WASF2: variants seen among roughly 807,000 people sequenced by gnomAD.
The protein encoded by WASF2 is actin-binding protein WASF2.
Under a neutral mutation model 45.0 loss-of-function variants are expected in WASF2, and 14 were observed. The observed-to-expected ratio is 0.31, with a 90% CI of 0.21 to 0.49. The LOEUF is 0.49. WASF2 is among the 20% of genes least tolerant of loss of function. The pLI, the probability that WASF2 is intolerant of heterozygous loss-of-function variation, is 0.99. For missense variants in WASF2, 439 were observed against 636.1 expected, an observed-to-expected ratio of 0.69 and a Z score of 3.33; for synonymous variants, 200 against 236.3, an observed-to-expected ratio of 0.85 and a Z score of 1.41.
chr1:27,414,235 T>C lies in WASF2; in HGVS notation c.668+598A>G, dbSNP rs1335377271. ...TCTTTTTCCCCCTTTAAACCTCCAGTGTGATTTGGTATTGGGAAATGGGGT... is the reference window on the plus strand; with the variant it reads ...TCTTTTTCCCCCTTTAAACCTCCAGCGTGATTTGGTATTGGGAAATGGGGT... On this transcript the variant is annotated intron_variant, in intron 6 of 8. Coordinates refer to ENST00000618852, the MANE Select transcript of WASF2 (RefSeq NM_006990.5). This position sits in a 1 kb window ranked among gnomAD's most constrained non-coding sequence, Gnocchi z 4.1. Among the ~76,000 whole-genome samples the C allele has an allele frequency of 6.6e-6, 1 of 152,118 alleles. No individual in the cohort carries two copies. Among genetic ancestry groups the C allele is most frequent in the Non-Finnish European group, 1.5e-5 (1 of 68,028 alleles).
At chr1:27,441,317 G>A (rs2017224790) in intron 1 of WASF2, among the ~76,000 whole-genome samples, 1 of 149,700 alleles carries the variant, frequency 6.7e-6, no homozygotes, top group South Asian at 2.1e-4. Flanking sequence ...AAATGACAAG[G>A]CCCTGTCTCT....
At chr1:27,432,405 T>C (rs190831490) in intron 1 of WASF2, among the ~76,000 whole-genome samples, 21 of 152,028 alleles carry the variant, frequency 1.4e-4, no homozygotes, top group African/African-American at 4.6e-4. Flanking sequence ...TTCCAGCACT[T>C]TGGGAGGCCG....
At position 27,436,329 on chromosome 1, in the gene WASF2, C is replaced by T. The variant is rs151044783; in HGVS notation, c.-43-7396G>A. On this transcript the variant is annotated intron_variant, in intron 1 of 8. Coordinates refer to ENST00000618852, the MANE Select transcript of WASF2 (RefSeq NM_006990.5). ...GGTGTAGTGGCATGCGGCTGTAGTCCCAGCTACTCAGGGGGCTCAGGCAGG... is the reference window on the plus strand; with the variant it reads ...GGTGTAGTGGCATGCGGCTGTAGTCTCAGCTACTCAGGGGGCTCAGGCAGG... Among the ~76,000 whole-genome samples the T allele has an allele frequency of 2.7e-3, 415 of 152,064 alleles. 1 individual carries two copies. The highest frequency in any genetic ancestry group is 9.8e-3 in the African/African-American group (407 of 41,484).
chr1:27,468,337 A>T (rs1204785275), intron 1 of WASF2, among the ~76,000 whole-genome samples: 1 of 152,078 alleles, frequency 6.6e-6, no homozygotes, highest in Non-Finnish European at 1.5e-5. Flanking sequence ...ACAAAAAAAA[A>T]ACACCAGAGA....
chr1:27,465,986 T>A (rs2017607218), intron 1 of WASF2, among the ~76,000 whole-genome samples: 1 of 152,152 alleles, frequency 6.6e-6, no homozygotes, highest in Non-Finnish European at 1.5e-5. Flanking sequence ...TTAACATCAA[T>A]AAGAATAACT....
intron 1 of WASF2, among the ~76,000 whole-genome samples, chr1:27,438,471 A>G (rs752970048): frequency 1.1e-4 from 17 of 152,176 alleles, no homozygotes; most frequent in African/African-American, 4.1e-4. Context: ...ATGATGCCTT[A>G]CTTCTTATTT....
At chr1:27,486,973 A>T (rs1397551695) in intron 1 of WASF2, among the ~76,000 whole-genome samples, 1 of 147,900 alleles carries the variant, frequency 6.8e-6, no homozygotes, top group African/African-American at 2.5e-5. Flanking sequence ...GATATATATT[A>T]TATATAATCT....
At chr1:27,415,816 A>G (rs887981504) in intron 5 of WASF2, among the ~76,000 whole-genome samples, 169 bp downstream of exon 5, 1 of 152,214 alleles carries the variant, frequency 6.6e-6, no homozygotes, top group African/African-American at 2.4e-5. Flanking sequence ...TATGATTTAT[A>G]CTTTCATCTT....
At chr1:27,467,907 G>C (rs1300727088) in intron 1 of WASF2, among the ~76,000 whole-genome samples, 2 of 151,462 alleles carry the variant, frequency 1.3e-5, no homozygotes, top group Admixed American at 1.3e-4. Flanking sequence ...GCAATTTCCT[G>C]TTTCTTCTTA....
At chr1:27,437,705 G>C (rs1277609144) in intron 1 of WASF2, among the ~76,000 whole-genome samples, 1 of 152,086 alleles carries the variant, frequency 6.6e-6, no homozygotes, top group Non-Finnish European at 1.5e-5. Context: ...CCATCTAAAT[G>C]GGCTTTTACT....
chr1:27,412,226 G>A (rs1387141021), intron 7 of WASF2, among the ~76,000 whole-genome samples: 2 of 152,098 alleles, frequency 1.3e-5, no homozygotes, highest in Non-Finnish European at 2.9e-5. Context: ...GTTTGTTTTT[G>A]TTTTTGGTCT....
At chr1:27,427,421 TCAGAGAGAGA>T (rs1178752913) in intron 2 of WASF2, among the ~76,000 whole-genome samples, 2 of 152,348 alleles carry the variant, frequency 1.3e-5, no homozygotes, top group East Asian at 3.9e-4. Flanking sequence ...TTTGGCCTTC[TCAGAGAGAGA>T]CAGAGAGAGG....
intron 1 of WASF2, among the ~76,000 whole-genome samples, chr1:27,464,733 T>C (rs1253409128): frequency 3.3e-5 from 5 of 152,218 alleles, no homozygotes; most frequent in African/African-American, 7.2e-5. Flanking sequence ...TTTATTTATT[T>C]GTTTATTCAT....
At chr1:27,415,837 G>C (rs752457290) in intron 5 of WASF2, 148 bp downstream of exon 5, 15 of 660,374 alleles carry the variant, frequency 2.3e-5, no homozygotes, top group Non-Finnish European at 3.5e-5. Flanking sequence ...GGTTGTGCTT[G>C]GTGTGGACAC....
chr1:27,459,555 C>T (rs973417123), intron 1 of WASF2: 1 of 151,600 alleles, frequency 6.6e-6, no homozygotes, highest in Non-Finnish European at 1.5e-5. Context: ...ATTTAAACAG[C>T]TTTGAACTAT....
chr1:27,443,430 A>G (rs1252106202), intron 1 of WASF2, among the ~76,000 whole-genome samples: 3 of 151,700 alleles, frequency 2.0e-5, no homozygotes, highest in African/African-American at 7.3e-5. Context: ...CCTGGCCAAC[A>G]TGGTGAAACT....
intron 1 of WASF2, among the ~76,000 whole-genome samples, chr1:27,471,399 T>C (rs996055067): frequency 1.4e-5 from 2 of 147,478 alleles, no homozygotes; most frequent in African/African-American, 2.5e-5. Context: ...AAACCTGTGA[T>C]CCCAGCACTC....
rs368302587 is a variant in WASF2, at chr1:27,409,698, G to A, written c.1333C>T (p.Arg445Cys). Reference sequence around the variant, plus strand: ...ACCCACCATTGAAATTTACCTTGACGGATGGCTGAAAGCAGGTCGCTACGG... The same window carrying A: ...ACCCACCATTGAAATTTACCTTGACAGATGGCTGAAAGCAGGTCGCTACGG... ...DARSDLLSAI[R>C]QGFQLRRVEE... The change falls in exon 8 of 9, where the codon CGT (arginine) becomes TGT (cysteine). Residue 445 changes from arginine (R) to cysteine (C), a missense_variant. Coordinates refer to ENST00000618852, the MANE Select transcript of WASF2 (RefSeq NM_006990.5). 2.0e-6 allele frequency: 3 copies of A among 1,492,616 alleles called. No homozygotes were observed. Among genetic ancestry groups the A allele is most frequent in the Non-Finnish European group, 1.8e-6 (2 of 1,120,432 alleles). The allele number at this position is 1,492,616 out of a possible 1,614,324, so 92.5% of individuals were successfully genotyped here. A position where few individuals can be genotyped will look rare whatever the true frequency, so the allele number is the denominator to read the frequency against.
chr1:27,417,521 T>C (rs893543605), intron 4 of WASF2, among the ~76,000 whole-genome samples: 1 of 152,226 alleles, frequency 6.6e-6, no homozygotes, highest in Admixed American at 6.5e-5. Flanking sequence ...TGCCTCCAGC[T>C]ATCTGTAATT....
Sources: allele counts gnomAD v4.1 joint callset (sites outside exome capture counted in the v4.1 genomes callset), GRCh38; gene constraint gnomAD v4.1.1; non-coding constraint Gnocchi (gnomAD v3.1); transcripts MANE v1.5; gene names NCBI Gene and HGNC (gene_info 2026-07-23, HGNC 2026-07-21).